Variants in MCPH1 observed in about 807,000 individuals in gnomAD.
MCPH1 encodes microcephalin.
Under a neutral mutation model 84.5 loss-of-function variants are expected in MCPH1, and 104 were observed. The ratio of observed to expected loss-of-function variants is 1.23; its 90% CI spans 1.05 to 1.45. The LOEUF is 1.45. Among genes scored for constraint, MCPH1 ranks in the 40% most tolerant of loss-of-function variants. MCPH1 has a pLI of 0.00. For missense variants in MCPH1, 1,498 were observed against 1,005.7 expected (o/e 1.49, Z -6.62); for synonymous variants, 514 against 366.8 (o/e 1.40, Z -4.58).
Position 6,587,449 on chromosome 8 carries a change from T to C in MCPH1, c.2215-34005T>C, listed in dbSNP as rs151121134. ...TTTCAATGTGTGGTTGGATGGCTTT[T>C]GGCAATTGTATACAGTTTTGCGATC... On this transcript the variant is annotated intron_variant, in intron 12 of 13. Transcript: ENST00000344683. Among the ~76,000 whole-genome samples, 11 of 152,334 alleles carry C rather than the reference T, an allele frequency of 7.2e-5. No homozygotes were observed. In the East Asian group the frequency reaches 1.2e-3, roughly 16 times the overall value.
intron 8 of MCPH1, chr8:6,445,956 G>C: frequency 1.0e-6 from 1 of 983,684 alleles, no homozygotes. Flanking sequence ...TTTAAAGAAA[G>C]AAATTAAGGT....
chr8:6,598,785 G>A (rs553843270), intron 12 of MCPH1, among the ~76,000 whole-genome samples: 7 of 152,348 alleles, frequency 4.6e-5, no homozygotes, highest in African/African-American at 1.7e-4. Flanking sequence ...CACCCGAAAG[G>A]CGCCCTAACA....
At chr8:6,565,841 C>T (rs1226037765) in intron 12 of MCPH1, among the ~76,000 whole-genome samples, 1 of 152,176 alleles carries the variant, frequency 6.6e-6, no homozygotes, top group African/African-American at 2.4e-5. Context: ...CACAATATGC[C>T]ATGTGCAGCT....
chr8:6,617,361 G>A (rs1209284565), intron 12 of MCPH1, among the ~76,000 whole-genome samples: 1 of 147,872 alleles, frequency 6.8e-6, no homozygotes, highest in Non-Finnish European at 1.5e-5. Context: ...CTCACTGCAA[G>A]CTCCTCCTCC....
chr8:6,603,493 A>G (rs1397279889), intron 12 of MCPH1, among the ~76,000 whole-genome samples: 1 of 152,206 alleles, frequency 6.6e-6, no homozygotes, highest in Admixed American at 6.5e-5. Context: ...TTTGCTCGAA[A>G]ATGATCCTGT....
intron 4 of MCPH1, among the ~76,000 whole-genome samples, chr8:6,433,852 G>T (rs1270530408): frequency 6.6e-6 from 1 of 151,988 alleles, no homozygotes; most frequent in East Asian, 1.9e-4. Flanking sequence ...TCCTTGAGAT[G>T]GTTCTGTGCC....
At chr8:6,545,120 C>G (rs1468523926) in intron 12 of MCPH1, among the ~76,000 whole-genome samples, 1 of 151,850 alleles carries the variant, frequency 6.6e-6, no homozygotes, top group Non-Finnish European at 1.5e-5. Context: ...CCATGAAGCT[C>G]AAGAATGGAC....
intron 4 of MCPH1, among the ~76,000 whole-genome samples, chr8:6,432,275 T>C (rs1801953608): frequency 6.6e-6 from 1 of 152,258 alleles, no homozygotes; most frequent in Admixed American, 6.5e-5. Flanking sequence ...TCCTCCCATG[T>C]ACTTTAAGTA....
intron 12 of MCPH1, among the ~76,000 whole-genome samples, chr8:6,571,797 T>C (rs1013424592): frequency 6.6e-6 from 1 of 152,170 alleles, no homozygotes; most frequent in African/African-American, 2.4e-5. Context: ...AAATTAGGCT[T>C]GATTATAGAG....
At chr8:6,581,703 C>G (rs889919498) in intron 12 of MCPH1, among the ~76,000 whole-genome samples, 1 of 152,208 alleles carries the variant, frequency 6.6e-6, no homozygotes, top group Non-Finnish European at 1.5e-5. Flanking sequence ...CTTTTCTCAA[C>G]TGCTATCTTA....
At chr8:6,618,477 A>T (rs1177884601) in intron 12 of MCPH1, 1 of 152,234 alleles carries the variant, frequency 6.6e-6, no homozygotes, top group African/African-American at 2.4e-5. Context: ...TTTACTGCTT[A>T]TCCATATAGT....
intron 12 of MCPH1, among the ~76,000 whole-genome samples, chr8:6,581,374 C>T (rs1827551834): frequency 6.6e-6 from 1 of 152,170 alleles, no homozygotes; most frequent in African/African-American, 2.4e-5. Flanking sequence ...AGTTTCCATC[C>T]ACAAATCCAA....
chr8:6,460,180 C>T (rs149287039), intron 9 of MCPH1, among the ~76,000 whole-genome samples: 62 of 152,070 alleles, frequency 4.1e-4, no homozygotes, highest in Non-Finnish European at 7.1e-4. Context: ...ATCTCGTGTG[C>T]TATCCTTTGC....
chr8:6,524,057 A>G (rs998051470), intron 12 of MCPH1, among the ~76,000 whole-genome samples: 10 of 152,198 alleles, frequency 6.6e-5, no homozygotes, highest in African/African-American at 2.4e-4. Flanking sequence ...AGCTTTCAAA[A>G]TATAGACACT....
intron 12 of MCPH1, among the ~76,000 whole-genome samples, chr8:6,558,099 C>T (rs1468389813): frequency 6.6e-6 from 1 of 152,182 alleles, no homozygotes; most frequent in Non-Finnish European, 1.5e-5. Context: ...AGTCTTCCTT[C>T]CAACCTCTCG....
chr8:6,436,281 C>A, intron 5 of MCPH1, 119 bp downstream of exon 5: 1 of 1,125,080 alleles, frequency 8.9e-7, no homozygotes, highest in Non-Finnish European at 1.2e-6. Flanking sequence ...TAGCTTTACT[C>A]TATGAAGGAG....
rs900591745 is a variant in MCPH1, at chr8:6,521,164, A to G, written c.2214+21235A>G. On this transcript the variant is annotated intron_variant, in intron 12 of 13. Transcript: ENST00000344683. Reference sequence around the variant, plus strand: ...GGTTATTAACGCTGAAGAAAGCATGATATGTAAACTTACAGTTTGATGTGG... The same window carrying G: ...GGTTATTAACGCTGAAGAAAGCATGGTATGTAAACTTACAGTTTGATGTGG... 4 of 1,601,970 alleles carry G rather than the reference A, an allele frequency of 2.5e-6. No homozygotes were observed. In the East Asian group the frequency reaches 8.9e-5, roughly 36 times the overall value.
intron 2 of MCPH1, among the ~76,000 whole-genome samples, chr8:6,411,068 C>T (rs142363805): frequency 2.0e-5 from 3 of 152,078 alleles, no homozygotes; most frequent in African/African-American, 4.8e-5. Flanking sequence ...CCAGCCTGGG[C>T]GACGGAGTAA....
intron 12 of MCPH1, among the ~76,000 whole-genome samples, chr8:6,529,780 ATG>A (rs1250141983): frequency 6.6e-6 from 1 of 151,488 alleles, no homozygotes; most frequent in Admixed American, 6.6e-5. Context: ...AGCCATTTTC[ATG>A]TGTTTAATTG....
Sources: allele counts gnomAD v4.1 joint callset (sites outside exome capture counted in the v4.1 genomes callset), GRCh38; gene constraint gnomAD v4.1.1; transcripts MANE v1.5; gene names NCBI Gene and HGNC (gene_info 2026-07-23, HGNC 2026-07-21).